Variants in SELE observed in about 807,000 individuals in gnomAD.
The protein encoded by SELE is E-selectin.
In SELE, 52 loss-of-function variants were observed where a neutral mutation model predicts 75.8. That is an observed-to-expected ratio of 0.69 (90% CI 0.55 to 0.86). SELE has a LOEUF of 0.86. SELE is among the 40% of genes least tolerant of loss of function. SELE has a pLI of 0.00. For synonymous variants in SELE, 285 were observed against 258.7 expected (o/e 1.10, Z -0.98); for missense variants, 754 against 732.7 (o/e 1.03, Z -0.34).
Position 169,728,204 on chromosome 1 carries a change from A to T in SELE, c.1133T>A (p.Met378Lys), listed in dbSNP as rs1410837797. 1.2e-6 allele frequency: 2 copies of T among 1,614,130 alleles called. No individual in the cohort carries two copies. Among genetic ancestry groups the T allele is most frequent in the Non-Finnish European group, 1.7e-6 (2 of 1,180,006 alleles). The change falls in exon 8 of 14, where the codon ATG becomes AAG. Residue 378 changes from methionine (M) to lysine (K), a missense_variant. Coordinates refer to ENST00000333360, the MANE Select transcript of SELE (RefSeq NM_000450.2). ...GCCAGAAGCACTAGGAAGACAATTC[A>T]TGTAGCCTCGCTCGGGGTTGGACAA... ...TALSNPERGY[M>K]NCLPSASGSF... is the part of the protein sequence containing the mutation.
Position 169,723,880 on chromosome 1 carries a change from C to T in SELE, c.*645G>A, listed in dbSNP as rs1315598002. The T allele has an allele frequency of 1.3e-5, 2 of 152,158 alleles. No individual in the cohort carries two copies. The highest frequency in any genetic ancestry group is 2.9e-5 in the Non-Finnish European group (2 of 68,028). The allele number at this position is 152,158 out of a possible 1,614,324, so 9.4% of individuals were successfully genotyped here. A position where few individuals can be genotyped will look rare whatever the true frequency, so the allele number is the denominator to read the frequency against. On this transcript the variant is annotated 3_prime_UTR_variant, in exon 14 of 14. Coordinates refer to ENST00000333360, the MANE Select transcript of SELE (RefSeq NM_000450.2). The stretch of plus-strand genomic sequence containing the variant: ...ATATTCAATGCAAGTAAAAATATCA[C>T]AATCCTTAAGAACTCTTTAAGAAGC...
chr1:169,724,232 A>C lies in SELE; in HGVS notation c.*293T>G, dbSNP rs1648689736. On this transcript the variant is annotated 3_prime_UTR_variant, in exon 14 of 14. Coordinates refer to ENST00000333360, the MANE Select transcript of SELE (RefSeq NM_000450.2). ...TAGAAAAGGAATTCTGAGATTTCAG[A>C]GTCTTGGTCTCTTCACCTTTGCTTG... is the stretch of plus-strand genomic sequence containing the variant. 6.6e-6 allele frequency: 1 copy of C among 152,222 alleles called. No homozygotes were observed. Among genetic ancestry groups the C allele is most frequent in the Non-Finnish European group, 1.5e-5 (1 of 68,038 alleles). 9.4% of individuals were successfully genotyped at this position (152,222 alleles called of 1,614,324 possible).
chr1:169,728,319 C>T, intron 7 of SELE, 73 bp from the exon 8 acceptor site: 1 of 1,377,110 alleles, frequency 7.3e-7, no homozygotes, highest in South Asian at 1.3e-5. Context: ...TTGAGTGAAC[C>T]CAGTTCATTC....
chr1:169,731,982 G>C (rs779593431), intron 3 of SELE, 40 bp from the exon 4 acceptor site: 2 of 1,305,132 alleles, frequency 1.5e-6, no homozygotes, highest in Non-Finnish European at 2.2e-6. Flanking sequence ...GACTATTACT[G>C]TGCTTATACT....
Position 169,729,326 on chromosome 1 carries a change from C to T in SELE, c.950G>A (p.Cys317Tyr). 3 of 1,614,106 alleles carry T rather than the reference C, an allele frequency of 1.9e-6. No homozygotes were observed. The highest frequency in any genetic ancestry group is 2.5e-6 in the Non-Finnish European group (3 of 1,179,992). Reference protein sequence around the residue: ...VRQPQNGSVRCSHSPAGEFTF... With the variant: ...VRQPQNGSVRYSHSPAGEFTF... ...GAACTCTCCAGCAGGGGAATGGCTG[C>T]ACCTCACAGAGCCATTCTGAGGCTG... is the stretch of plus-strand genomic sequence containing the variant. The change falls in exon 7 of 14, where the codon TGC becomes TAC. Residue 317 changes from cysteine (C) to tyrosine (Y), a missense_variant. Transcript: ENST00000333360.
chr1:169,727,943 GA>G lies in SELE; in HGVS notation c.1280-17del. ...CATCTCACAGCTGGAACACACGAGA[GA>G]GCACTTTAGAAGTTTGTTTGCATCT... is the stretch of plus-strand genomic sequence containing the variant. On this transcript the variant is annotated splice_polypyrimidine_tract_variant and intron_variant, in intron 8 of 13. Coordinates refer to ENST00000333360, the MANE Select transcript of SELE (RefSeq NM_000450.2). The G allele has an allele frequency of 6.2e-7, 1 of 1,608,890 alleles. No homozygotes were observed. The highest frequency in any genetic ancestry group is 8.5e-7 in the Non-Finnish European group (1 of 1,177,100).
chr1:169,732,067 C>T (rs1648925432), intron 3 of SELE, 125 bp from the exon 4 acceptor site: 1 of 566,458 alleles, frequency 1.8e-6, no homozygotes, highest in East Asian at 3.3e-5. Flanking sequence ...TAGACTTTAA[C>T]TGAAGTGTTT....
Position 169,723,302 on chromosome 1 carries a change from A to G in SELE, c.*1223T>C, listed in dbSNP as rs1204460330. ...CATCTTCATTCGTTAAAAATCTACCAGATGACTCTTTTACATGGTGAGTTT... is the reference window on the plus strand; with the variant it reads ...CATCTTCATTCGTTAAAAATCTACCGGATGACTCTTTTACATGGTGAGTTT... On this transcript the variant is annotated 3_prime_UTR_variant, in exon 14 of 14. Coordinates refer to ENST00000333360, the MANE Select transcript of SELE (RefSeq NM_000450.2). 6.6e-6 allele frequency: 1 copy of G among 152,230 alleles called. No individual in the cohort carries two copies. Among genetic ancestry groups the G allele is most frequent in the Admixed American group, 6.5e-5 (1 of 15,288 alleles). The allele number at this position is 152,230 out of a possible 1,614,324, so 9.4% of individuals were successfully genotyped here. A position where few individuals can be genotyped will look rare whatever the true frequency, so the allele number is the denominator to read the frequency against.
Position 169,725,889 on chromosome 1 carries a change from T to C in SELE, c.1775+18A>G. 1 of 1,613,900 alleles carries C rather than the reference T, an allele frequency of 6.2e-7. No homozygotes were observed. The highest frequency in any genetic ancestry group is 1.6e-4 in the Middle Eastern group (1 of 6,062). On this transcript the variant is annotated intron_variant, in intron 12 of 13. Coordinates refer to ENST00000333360, the MANE Select transcript of SELE (RefSeq NM_000450.2). ...GTGGAATGTTCAATGGCATGCTTTG[T>C]ATAAGAATGCAACTTACCTGGCAGG...
At chr1:169,731,566 TA>T in intron 4 of SELE, 1 of 336,156 alleles carries the variant, frequency 3.0e-6, no homozygotes, top group East Asian at 6.9e-5. Flanking sequence ...ACCATGAGCC[TA>T]TGAAGTTCAC....
intron 6 of SELE, 31 bp downstream of exon 6, chr1:169,729,457 C>G (rs1301972662): frequency 6.2e-7 from 1 of 1,610,108 alleles, no homozygotes; most frequent in African/African-American, 1.3e-5. Context: ...AAAGAATGTT[C>G]ACAGTAAGTC....
Position 169,726,793 on chromosome 1 carries a change from G to T in SELE, c.1659C>A (p.Ser553=), listed in dbSNP as rs1648784965. Residue 553 remains serine (S), a synonymous_variant, in exon 11 of 14, where the codon TCC becomes TCA. Coordinates refer to ENST00000333360, the MANE Select transcript of SELE (RefSeq NM_000450.2). ...LLPTCEAPTE[S]NIPLVAGLSA... is the part of the protein sequence containing the mutation. ...AAAGTCCAGCTACCAAGGGAATGTTGGACTCAGTGGGAGCTAAGGAAGTAA... is the reference window on the plus strand; with the variant it reads ...AAAGTCCAGCTACCAAGGGAATGTTTGACTCAGTGGGAGCTAAGGAAGTAA... 6.2e-7 allele frequency: 1 copy of T among 1,611,824 alleles called. No individual in the cohort carries two copies. Among genetic ancestry groups the T allele is most frequent in the Non-Finnish European group, 8.5e-7 (1 of 1,178,350 alleles).
Position 169,730,474 on chromosome 1 carries a change from T to C in SELE, c.673A>G (p.Met225Val). ...GGAGCACTCCATTCTCCAGAGGACA[T>C]ACACTGCATGGTCTCCATGCTGCTT... ...LPSSMETMQCMSSGEWSAPIP... is the reference protein window; with the variant it reads ...LPSSMETMQCVSSGEWSAPIP... The change falls in exon 5 of 14, where the codon ATG (methionine) becomes GTG (valine). Residue 225 changes from methionine (M) to valine (V), a missense_variant. Met to Val is a conservative substitution (Grantham distance 21). Coordinates refer to ENST00000333360, the MANE Select transcript of SELE (RefSeq NM_000450.2). 6.2e-7 allele frequency: 1 copy of C among 1,614,036 alleles called. No individual in the cohort carries two copies.
chr1:169,723,605 C>T lies in SELE; in HGVS notation c.*920G>A, dbSNP rs1648679998. On this transcript the variant is annotated 3_prime_UTR_variant, in exon 14 of 14. Transcript: ENST00000333360. ...ATTCAGTTTTTACTCTCCAATTCTA[C>T]CATGTTTTCAAAAAACAACTGTAGT... The T allele has an allele frequency of 1.3e-5, 2 of 152,178 alleles. No individual in the cohort carries two copies. The highest frequency in any genetic ancestry group is 1.3e-4 in the Admixed American group (2 of 15,276). The allele number at this position is 152,178 out of a possible 1,614,324, so 9.4% of individuals were successfully genotyped here.
In SELE at chr1:169,728,068, G is replaced by A. The variant is rs1364603063; in HGVS notation, c.1269C>T (p.Pro423=). 9 of 1,611,824 alleles carry A rather than the reference G, an allele frequency of 5.6e-6. No homozygotes were observed. Among genetic ancestry groups the A allele is most frequent in the Non-Finnish European group, 6.8e-6 (8 of 1,179,438 alleles). The stretch of plus-strand genomic sequence containing the variant: ...AAACAAAGACTGTACCTTCACATGT[G>A]GGCTTCTCGTTGTCCCACTCCCCTG... The part of the protein sequence containing the change: ...GPTGEWDNEK[P]TCEAVRCDAV... The change falls in exon 8 of 14, where the codon CCC becomes CCT. Residue 423 remains proline, a synonymous_variant. Coordinates refer to ENST00000333360, the MANE Select transcript of SELE (RefSeq NM_000450.2).
intron 10 of SELE, 114 bp from the exon 11 acceptor site, chr1:169,726,920 T>A (rs1648788510): frequency 1.4e-6 from 1 of 706,724 alleles, no homozygotes; most frequent in Admixed American, 2.6e-5. Context: ...AGAAGAGCTA[T>A]CTAGTTTAAT....
chr1:169,727,637 G>C, intron 9 of SELE, 102 bp downstream of exon 9: 1 of 1,532,738 alleles, frequency 6.5e-7, no homozygotes, highest in South Asian at 1.3e-5. Flanking sequence ...TTAGTTTTCA[G>C]CATGTAGGAA....
chr1:169,726,882 T>C, intron 10 of SELE, 76 bp from the exon 11 acceptor site: 1 of 992,172 alleles, frequency 1.0e-6, no homozygotes, highest in Non-Finnish European at 1.5e-6. Flanking sequence ...CCCTTTGGCC[T>C]TTTTTCTGTA....
intron 2 of SELE, 74 bp downstream of exon 2, chr1:169,733,502 C>T (rs1648970780): frequency 1.4e-6 from 2 of 1,449,696 alleles, no homozygotes; most frequent in South Asian, 2.3e-5. Context: ...CAGCCCCAGA[C>T]AAGCAAGGAT....
Sources: allele counts gnomAD v4.1 joint callset, GRCh38; gene constraint gnomAD v4.1.1; transcripts MANE v1.5; gene names NCBI Gene and HGNC (gene_info 2026-07-23, HGNC 2026-07-21).